SENP7: variants seen among roughly 807,000 people sequenced by gnomAD.
SENP7 encodes the protein SUMO specific peptidase 7, also known as sentrin-specific protease 7.
Under a neutral mutation model 141.2 loss-of-function variants are expected in SENP7, and 64 were observed. That is an observed-to-expected ratio of 0.45 (90% CI 0.37 to 0.56). The LOEUF is 0.56. Ranked by LOEUF, SENP7 falls within the 20% of genes least tolerant of loss-of-function variation. The probability of loss-of-function intolerance (pLI) is 0.00; values close to 1 mark genes in which losing one functional copy is unlikely to be tolerated. For synonymous variants in SENP7, 382 were observed against 426.4 expected, an observed-to-expected ratio of 0.90 and a Z score of 1.28; for missense variants, 1,025 against 1,212.2, an observed-to-expected ratio of 0.85 and a Z score of 2.29.
At chr3:101,402,381 T>C (rs1198589242) in intron 5 of SENP7, among the ~76,000 whole-genome samples, 1 of 152,050 alleles carries the variant, frequency 6.6e-6, no homozygotes, top group South Asian at 2.1e-4. Flanking sequence ...CCCAGCACTT[T>C]GGGCGGCAGA....
chr3:101,402,429 G>T (rs1477597872), intron 5 of SENP7, among the ~76,000 whole-genome samples: 1 of 151,952 alleles, frequency 6.6e-6, no homozygotes, highest in Non-Finnish European at 1.5e-5. Context: ...TTCGAGACCA[G>T]CCTGGCCAAC....
intron 6 of SENP7, among the ~76,000 whole-genome samples, chr3:101,382,120 T>C (rs2060519216): frequency 6.6e-6 from 1 of 152,220 alleles, no homozygotes; most frequent in Non-Finnish European, 1.5e-5. Flanking sequence ...GCTGAGTGGC[T>C]AGCTACAATA....
chr3:101,331,404 G>A (rs1490927813), intron 19 of SENP7, among the ~76,000 whole-genome samples: 2 of 150,590 alleles, frequency 1.3e-5, no homozygotes, highest in South Asian at 2.1e-4. Flanking sequence ...GATTACTTGA[G>A]CCCAGGAGTT....
chr3:101,388,770 G>A (rs2060729727), intron 6 of SENP7, among the ~76,000 whole-genome samples: 1 of 151,396 alleles, frequency 6.6e-6, no homozygotes, highest in Non-Finnish European at 1.5e-5. Flanking sequence ...AGGATCTGAA[G>A]GGGAAATTCA....
At chr3:101,513,212 GGAAAAAAAAAAAAAAAAA>G (rs2065942660), upstream of SENP7, 1,286 of 135,864 alleles carry the variant, frequency 9.5e-3, 28 homozygotes, top group Middle Eastern at 0.025. Flanking sequence ...GGAGGGGAAA[GGAAAAAAAAAAAAAAAAA>G]AAAAAAAAAA....
At chr3:101,491,873 C>T (rs1360264030) in intron 3 of SENP7, among the ~76,000 whole-genome samples, 1 of 152,122 alleles carries the variant, frequency 6.6e-6, no homozygotes, top group African/African-American at 2.4e-5. Context: ...AGGTGGATCA[C>T]CTGAGGTTGG....
intron 6 of SENP7, among the ~76,000 whole-genome samples, chr3:101,386,411 C>T (rs552352253): frequency 6.6e-6 from 1 of 152,316 alleles, no homozygotes; most frequent in South Asian, 2.1e-4. Flanking sequence ...GTCCACATAA[C>T]TGCACTGTTC....
At chr3:101,396,183 A>G (rs1175998844) in intron 6 of SENP7, among the ~76,000 whole-genome samples, 3 of 152,250 alleles carry the variant, frequency 2.0e-5, no homozygotes, top group Non-Finnish European at 4.4e-5. Context: ...AACCACCTGG[A>G]AATTCCACAT....
chr3:101,430,978 T>C lies in SENP7; in HGVS notation c.285-13188A>G, dbSNP rs376978137. ...AGGAGCAGGTTGCTCAGTTTCCATG[T>C]AGTTGTGCAGTATGAGCGGGTTTCT... On this transcript the variant is annotated intron_variant, in intron 4 of 23. Coordinates refer to ENST00000394095, the MANE Select transcript of SENP7 (RefSeq NM_020654.5). 3.3e-5 allele frequency among the ~76,000 whole-genome samples: 5 copies of C among 152,362 alleles called. No homozygotes were observed. The East Asian group carries it at 9.6e-4, about 29-fold the overall frequency.
At chr3:101,417,506 C>G in intron 5 of SENP7, 87 bp downstream of exon 5, 3 of 1,115,910 alleles carry the variant, frequency 2.7e-6, no homozygotes, top group Non-Finnish European at 4.1e-6. Flanking sequence ...CCTTTCAGGT[C>G]ATTTCAACAA....
In SENP7 at chr3:101,456,473, T is replaced by C. The variant is rs1576410865; in HGVS notation, c.284+2482A>G. On this transcript the variant is annotated intron_variant, in intron 4 of 23. Transcript: ENST00000394095. Reference sequence around the variant, plus strand: ...ATCTTTTTATCCCCTAACAATATCATTAAGTGTATATTAAATAGATGTTAT... The same window carrying C: ...ATCTTTTTATCCCCTAACAATATCACTAAGTGTATATTAAATAGATGTTAT... Among the ~76,000 whole-genome samples, 3 of 152,286 alleles carry C rather than the reference T, an allele frequency of 2.0e-5. No individual in the cohort carries two copies. The South Asian group carries it at 6.2e-4, about 32-fold the overall frequency.
chr3:101,362,081 T>A (rs995523530), intron 10 of SENP7, among the ~76,000 whole-genome samples: 2 of 152,176 alleles, frequency 1.3e-5, no homozygotes, highest in African/African-American at 4.8e-5. Flanking sequence ...AATCCAAAAT[T>A]AATTCCACAG....
chr3:101,454,027 G>A (rs9819957), intron 4 of SENP7, among the ~76,000 whole-genome samples: 60,378 of 151,918 alleles, frequency 0.4, 12,507 homozygotes, highest in Admixed American at 0.54. Context: ...AGAGAGGAAA[G>A]AAGAACGGAA....
intron 3 of SENP7, among the ~76,000 whole-genome samples, chr3:101,476,430 C>G (rs2064221364): frequency 6.6e-6 from 1 of 152,160 alleles, no homozygotes; most frequent in African/African-American, 2.4e-5. Context: ...GACATGAACT[C>G]ATTCTTTTTA....
At chr3:101,337,349 G>C in intron 17 of SENP7, 160 bp downstream of exon 17, 2 of 436,472 alleles carry the variant, frequency 4.6e-6, no homozygotes, top group Non-Finnish European at 4.1e-6. Flanking sequence ...GCAAAACAGT[G>C]GAAGGATGAG....
Position 101,332,012 on chromosome 3 carries a change from G to T in SENP7, c.2671C>A (p.Gln891Lys). ...QTVSQQSQAQ[Q>K]SQNDNKTIDN... is the part of the protein sequence containing the mutation. ...ATTGTTTTGTTGTCATTTTGGGACT[G>T]CTGAGCCTGGGACTGCTGGGATACA... The change falls in exon 19 of 24, where the codon CAG (glutamine) becomes AAG (lysine). Residue 891 changes from glutamine to lysine, a missense_variant. Gln to Lys is a moderately conservative substitution (Grantham distance 53). Transcript: ENST00000394095. 1.2e-6 allele frequency: 2 copies of T among 1,613,456 alleles called. No homozygotes were observed. The highest frequency in any genetic ancestry group is 2.2e-5 in the South Asian group (2 of 91,048).
chr3:101,368,111 C>A, intron 7 of SENP7, 100 bp from the exon 8 acceptor site: 2 of 834,470 alleles, frequency 2.4e-6, no homozygotes, highest in Non-Finnish European at 1.9e-6. Flanking sequence ...TATACTACTT[C>A]CAAAGCTCAT....
At chr3:101,404,353 A>T (rs1417059168) in intron 5 of SENP7, among the ~76,000 whole-genome samples, 1 of 152,208 alleles carries the variant, frequency 6.6e-6, no homozygotes, top group Non-Finnish European at 1.5e-5. Context: ...ATGCTGGGAA[A>T]AGAACTAGCC....
intron 4 of SENP7, among the ~76,000 whole-genome samples, chr3:101,422,157 G>C (rs1253749928): frequency 1.3e-5 from 2 of 152,198 alleles, no homozygotes; most frequent in South Asian, 4.2e-4. Context: ...ACATGCGAGG[G>C]ATCTAACTTG....
Sources: gnomAD v4.1 joint callset for allele counts (sites outside exome capture counted in the v4.1 genomes callset) on GRCh38, gnomAD v4.1.1 for gene constraint, MANE v1.5 for transcripts, NCBI Gene and HGNC (gene_info 2026-07-23, HGNC 2026-07-21) for gene names.